Variants in RNGTT observed in about 807,000 individuals in gnomAD.
RNGTT encodes the protein RNA guanylyltransferase and 5'-phosphatase, also known as mRNA-capping enzyme.
In RNGTT, 33 loss-of-function variants were observed where a neutral mutation model predicts 79.3. The ratio of observed to expected loss-of-function variants is 0.42; its 90% CI spans 0.32 to 0.56. The LOEUF (loss-of-function observed/expected upper bound fraction) is 0.56, where lower values mean the gene tolerates loss of function less well. Ranked by LOEUF, RNGTT falls within the 20% of genes least tolerant of loss-of-function variation. The probability of loss-of-function intolerance (pLI) is 0.17; values close to 1 mark genes in which losing one functional copy is unlikely to be tolerated. For synonymous variants in RNGTT, 222 were observed against 235.9 expected (o/e 0.94, Z 0.54); for missense variants, 497 against 739.1 (o/e 0.67, Z 3.80).
chr6:88,714,486 A>T (rs1191454558), intron 13 of RNGTT: 1 of 84,672 alleles, frequency 1.2e-5, no homozygotes, highest in East Asian at 2.4e-4. Context: ...TCTGTCGCCC[A>T]GGCTGGAGTG....
chr6:88,923,230 A>T lies in RNGTT; in HGVS notation c.367+5755T>A, dbSNP rs1040740343. Among the ~76,000 whole-genome samples the T allele has an allele frequency of 3.3e-5, 5 of 152,260 alleles. No homozygotes were observed. The East Asian group carries it at 7.7e-4, about 23-fold the overall frequency. ...TTTCCATTTTGTATTTTACTTAATG[A>T]TTTTACTGACCATTGATGATTGTTG... is the stretch of plus-strand genomic sequence containing the variant. On this transcript the variant is annotated intron_variant, in intron 4 of 15. Transcript: ENST00000369485.
At chr6:88,642,320 C>T (rs549370133) in intron 14 of RNGTT, among the ~76,000 whole-genome samples, 15 of 152,168 alleles carry the variant, frequency 9.9e-5, no homozygotes, top group South Asian at 8.3e-4. Flanking sequence ...CAGCAAGAGC[C>T]TAATATGATA....
chr6:88,911,587 T>A (rs954879913), intron 4 of RNGTT, among the ~76,000 whole-genome samples: 4 of 151,906 alleles, frequency 2.6e-5, no homozygotes, highest in African/African-American at 9.7e-5. Context: ...TAGAAATCAA[T>A]ACCAAGATAA....
intron 13 of RNGTT, among the ~76,000 whole-genome samples, chr6:88,704,893 T>C (rs1776079469): frequency 6.6e-6 from 1 of 152,066 alleles, no homozygotes; most frequent in African/African-American, 2.4e-5. Context: ...ATATTACTTA[T>C]AGGATATGTC....
chr6:88,889,134 T>C (rs932810676), intron 8 of RNGTT, among the ~76,000 whole-genome samples: 2 of 152,180 alleles, frequency 1.3e-5, no homozygotes, highest in Non-Finnish European at 2.9e-5. Context: ...AAATTTCTTT[T>C]TTATTTTCTT....
At chr6:88,639,995 G>GGCTA (rs1322015198) in intron 14 of RNGTT, among the ~76,000 whole-genome samples, 1 of 152,034 alleles carries the variant, frequency 6.6e-6, no homozygotes, top group Non-Finnish European at 1.5e-5. Flanking sequence ...CATTAGACAG[G>GGCTA]GCTAGCTACC....
chr6:88,961,523 G>A lies in RNGTT; in HGVS notation c.64+1823C>T, dbSNP rs531578701. Among the ~76,000 whole-genome samples, 167 of 151,508 alleles carry A rather than the reference G, an allele frequency of 1.1e-3. 1 individual carries two copies. The highest frequency in any genetic ancestry group is 1.5e-3 in the Non-Finnish European group (102 of 67,940). ...GCAATCTCAGCTCACTGCAACCTCC[G>A]TCTCCTGGGTTCAAGTGATTCCCCT... On this transcript the variant is annotated intron_variant, in intron 1 of 15. Transcript: ENST00000369485.
intron 12 of RNGTT, among the ~76,000 whole-genome samples, chr6:88,771,348 TATACAC>T (rs1433354015): frequency 1.2e-3 from 153 of 128,776 alleles, no homozygotes; most frequent in African/African-American, 4.7e-3. Context: ...TATATATATA[TATACAC>T]ACACACACAC....
At chr6:88,842,136 C>T (rs1049413260) in intron 11 of RNGTT, among the ~76,000 whole-genome samples, 14 of 152,066 alleles carry the variant, frequency 9.2e-5, no homozygotes, top group Admixed American at 4.6e-4. Context: ...GAAAGGAAAA[C>T]GGGAAGTCAG....
intron 13 of RNGTT, among the ~76,000 whole-genome samples, chr6:88,747,381 G>A (rs184375918): frequency 6.6e-6 from 1 of 152,096 alleles, no homozygotes; most frequent in African/African-American, 2.4e-5. Context: ...TCTCAAATCT[G>A]TCAGCTCAAT....
chr6:88,715,180 CAGAG>C (rs1252031339), intron 13 of RNGTT, among the ~76,000 whole-genome samples: 2 of 152,136 alleles, frequency 1.3e-5, no homozygotes, highest in African/African-American at 4.8e-5. Context: ...AATAGACAAA[CAGAG>C]AGCCAAATCA....
intron 12 of RNGTT, among the ~76,000 whole-genome samples, chr6:88,792,359 T>C (rs567285924): frequency 1.3e-5 from 2 of 152,212 alleles, no homozygotes; most frequent in East Asian, 3.9e-4. Flanking sequence ...ATTAAGGTGG[T>C]TCCTTTGAAT....
chr6:88,804,718 TA>T lies in RNGTT; in HGVS notation c.1270-3087del, dbSNP rs78578676. ...TTAGCTTTTGTTTATTTACAATTCT[TA>T]AAAAAAAAAAGTATCCAAACTTGTT... On this transcript the variant is annotated intron_variant, in intron 11 of 15. Coordinates refer to ENST00000369485, the MANE Select transcript of RNGTT (RefSeq NM_003800.5). Among the ~76,000 whole-genome samples, 627 of 147,248 alleles carry T rather than the reference TA, an allele frequency of 4.3e-3. 2 individuals carry two copies. Among genetic ancestry groups the T allele is most frequent in the African/African-American group, 0.013 (509 of 40,430 alleles).
At position 88,801,363 on chromosome 6, in the gene RNGTT, T is replaced by C. The variant is rs1376793009; in HGVS notation, c.1338+201A>G. ...AGTGAAAAACAGATGGGTGCTCATT[T>C]TAGTATTACATGTATTTAGATATAA... On this transcript the variant is annotated intron_variant, in intron 12 of 15. Transcript: ENST00000369485. Among the ~76,000 whole-genome samples, 3 of 152,224 alleles carry C rather than the reference T, an allele frequency of 2.0e-5. No individual in the cohort carries two copies. In the East Asian group the frequency reaches 5.8e-4, roughly 29 times the overall value.
chr6:88,660,714 T>C (rs1774152481), intron 14 of RNGTT, among the ~76,000 whole-genome samples: 1 of 152,170 alleles, frequency 6.6e-6, no homozygotes, highest in South Asian at 2.1e-4. Context: ...AACACCATAA[T>C]AGTGGGGGAC....
At chr6:88,962,933 A>G (rs1230459705) in intron 1 of RNGTT, among the ~76,000 whole-genome samples, 2 of 151,816 alleles carry the variant, frequency 1.3e-5, no homozygotes, top group Admixed American at 6.6e-5. Flanking sequence ...TCTCAATGTG[A>G]CCCCATTTCA....
In RNGTT at chr6:88,901,495, C is replaced by CTTTTTTTTTTTTTTTTTT. The variant is rs71024314; in HGVS notation, c.684+3202_684+3219dup. On this transcript the variant is annotated intron_variant, in intron 6 of 15. Transcript: ENST00000369485. ...AAAAATAACTGTCAAGCACCCTGAT[C>CTTTTTTTTTTTTTTTTTT]TTTTTTTTTTTTTTTTTTTTTTTTT... is the stretch of plus-strand genomic sequence containing the variant. Among the ~76,000 whole-genome samples the CTTTTTTTTTTTTTTTTTT allele has an allele frequency of 2.3e-3, 151 of 65,810 alleles. 15 individuals carry two copies. The highest frequency in any genetic ancestry group is 0.012 in the Middle Eastern group (1 of 82). 43.2% of individuals were successfully genotyped at this position (65,810 alleles called of 152,430 possible). A position where few individuals can be genotyped will look rare whatever the true frequency, so the allele number is the denominator to read the frequency against.
At chr6:88,806,895 T>G (rs967679848) in intron 11 of RNGTT, among the ~76,000 whole-genome samples, 1 of 152,120 alleles carries the variant, frequency 6.6e-6, no homozygotes, top group Non-Finnish European at 1.5e-5. Flanking sequence ...ATATACACAA[T>G]GGAATACTAT....
chr6:88,665,499 A>C (rs1774367628), intron 14 of RNGTT, among the ~76,000 whole-genome samples: 1 of 152,214 alleles, frequency 6.6e-6, no homozygotes, highest in Non-Finnish European at 1.5e-5. Flanking sequence ...CAATCAAGCC[A>C]CAGTGACTTT....
Sources: gnomAD v4.1 joint callset for allele counts (sites outside exome capture counted in the v4.1 genomes callset) on GRCh38, gnomAD v4.1.1 for gene constraint, MANE v1.5 for transcripts, NCBI Gene and HGNC (gene_info 2026-07-23, HGNC 2026-07-21) for gene names.